The following TENT4B variants were observed in gnomAD, a reference collection of about 807,000 sequenced individuals.
The protein encoded by TENT4B is PAP associated domain containing 5.
TENT4B carries 10 observed loss-of-function variants against 75.0 expected under a neutral mutation model. The observed-to-expected ratio is 0.13, with a 90% CI of 0.08 to 0.23. The LOEUF (loss-of-function observed/expected upper bound fraction) is 0.23, where lower values mean the gene tolerates loss of function less well. Among genes scored for constraint, TENT4B ranks in the 10% least tolerant of loss-of-function variants. The pLI is 1.00. For synonymous variants in TENT4B, 350 were observed against 357.7 expected (o/e 0.98, Z 0.24); for missense variants, 579 against 893.8 (o/e 0.65, Z 4.49).
chr16:50,217,773 T>TCTCTCTCTCTCTCTCTCTCG, intron 5 of TENT4B, 110 bp downstream of exon 5: 2 of 631,566 alleles, frequency 3.2e-6, no homozygotes, highest in Admixed American at 3.4e-5. Context: ...TCTCTCTCTC[T>TCTCTCTCTCTCTCTCTCTCG]CTTTTAAATA....
intron 1 of TENT4B, among the ~76,000 whole-genome samples, chr16:50,202,321 A>T (rs1256869188): frequency 1.7e-4 from 26 of 152,206 alleles, no homozygotes. Flanking sequence ...ATCTATTCTT[A>T]AACACCAGCC....
At chr16:50,177,282 C>G (rs763159042) in intron 1 of TENT4B, among the ~76,000 whole-genome samples, 1 of 151,726 alleles carries the variant, frequency 6.6e-6, no homozygotes, top group African/African-American at 2.4e-5. Context: ...GGATTACAGG[C>G]GTGAGTCACT....
At chr16:50,199,480 G>A (rs990133917) in intron 1 of TENT4B, among the ~76,000 whole-genome samples, 2 of 152,210 alleles carry the variant, frequency 1.3e-5, no homozygotes, top group Non-Finnish European at 2.9e-5. Flanking sequence ...TCAATAAAGG[G>A]TGCTGGACAC....
Position 50,216,078 on chromosome 16 carries a change from C to T in TENT4B, c.813C>T (p.Asp271=). 6.2e-7 allele frequency: 1 copy of T among 1,613,962 alleles called. No homozygotes were observed. Among genetic ancestry groups the T allele is most frequent in the Non-Finnish European group, 8.5e-7 (1 of 1,179,876 alleles). Residue 271 remains aspartate, a synonymous_variant, in exon 4 of 12, where the codon GAC becomes GAT. Transcript: ENST00000561678. The part of the protein sequence containing the change: ...FKTGLYLPTS[D]IDLVVFGKWE... ...TGTATATGTATTCTGTGTTCAGTGA[C>T]ATCGACCTAGTGGTGTTTGGGAAGT...
At chr16:50,225,340 T>A (rs1238513546) in intron 10 of TENT4B, 55 bp downstream of exon 10, 18 of 1,512,758 alleles carry the variant, frequency 1.2e-5, no homozygotes, top group Non-Finnish European at 1.4e-5. Flanking sequence ...GTTCTCTTGC[T>A]GGGGTTAACA....
rs537997734 is a variant in TENT4B, at chr16:50,191,686, G to A, written c.639-19637G>A. ...TGTAATCCCAGCACTTTGGGAGGCCGAGGCGGGCAGATCACCTGAGGTCGC... is the reference window on the plus strand; with the variant it reads ...TGTAATCCCAGCACTTTGGGAGGCCAAGGCGGGCAGATCACCTGAGGTCGC... On this transcript the variant is annotated intron_variant, in intron 1 of 11. Coordinates refer to ENST00000561678, the MANE Select transcript of TENT4B (RefSeq NM_001365324.3). Among the ~76,000 whole-genome samples, 21 of 152,310 alleles carry A rather than the reference G, an allele frequency of 1.4e-4. No homozygotes were observed. The South Asian group carries it at 3.7e-3, about 27-fold the overall frequency.
intron 1 of TENT4B, among the ~76,000 whole-genome samples, chr16:50,181,442 C>T (rs546017282): frequency 2.0e-5 from 3 of 149,520 alleles, no homozygotes; most frequent in Non-Finnish European, 4.4e-5. Context: ...TATAGGCACA[C>T]AACATCATAT....
chr16:50,164,374 A>G (rs1210075493), intron 1 of TENT4B, among the ~76,000 whole-genome samples: 1 of 151,238 alleles, frequency 6.6e-6, no homozygotes, highest in African/African-American at 2.4e-5. Flanking sequence ...CAGTGGCGCT[A>G]TCTTGGCTCA....
rs185855542 is a variant in TENT4B, at chr16:50,160,927, G to C, written c.638+6668G>C. 2.4e-3 allele frequency among the ~76,000 whole-genome samples: 371 copies of C among 152,326 alleles called. 10 individuals are homozygous for C. The highest frequency in any genetic ancestry group is 0.022 in the Admixed American group (340 of 15,284). ...AATCACTTACACACACATAGGTATAGAGTAATCTTGAAGGGGCTGTAGGCC... is the reference window on the plus strand; with the variant it reads ...AATCACTTACACACACATAGGTATACAGTAATCTTGAAGGGGCTGTAGGCC... On this transcript the variant is annotated intron_variant, in intron 1 of 11. Coordinates refer to ENST00000561678, the MANE Select transcript of TENT4B (RefSeq NM_001365324.3).
chr16:50,172,509 T>C (rs2038225325), intron 1 of TENT4B, among the ~76,000 whole-genome samples: 2 of 418 alleles, frequency 4.8e-3, no homozygotes, highest in South Asian at 0.083. Context: ...AATTTATTAC[T>C]TTTTTTTTTT....
intron 1 of TENT4B, among the ~76,000 whole-genome samples, chr16:50,185,201 G>GTAAGTAAA (rs2038502670): frequency 6.6e-6 from 1 of 152,208 alleles, no homozygotes; most frequent in Non-Finnish European, 1.5e-5. Context: ...GTTACTTGCA[G>GTAAGTAAA]TAAGTAAATT....
In TENT4B at chr16:50,181,308, C is replaced by G. The variant is rs907811530; in HGVS notation, c.638+27049C>G. ...CCTTTATCAGTCTGATTCAAGCCACCTGCAATCATGGATTTGAACTTTTTT... is the reference window on the plus strand; with the variant it reads ...CCTTTATCAGTCTGATTCAAGCCACGTGCAATCATGGATTTGAACTTTTTT... On this transcript the variant is annotated intron_variant, in intron 1 of 11. Coordinates refer to ENST00000561678, the MANE Select transcript of TENT4B (RefSeq NM_001365324.3). 2.0e-5 allele frequency among the ~76,000 whole-genome samples: 3 copies of G among 151,316 alleles called. No individual in the cohort carries two copies. The South Asian group carries it at 6.2e-4, about 31-fold the overall frequency.
At chr16:50,177,536 C>A (rs2038333937) in intron 1 of TENT4B, among the ~76,000 whole-genome samples, 2 of 151,946 alleles carry the variant, frequency 1.3e-5, no homozygotes, top group Admixed American at 1.3e-4. Context: ...CATAATATTT[C>A]TTTGTTTTGC....
At position 50,229,781 on chromosome 16, in the gene TENT4B, GT is replaced by G. The variant is rs986904322; in HGVS notation, c.*463del. The stretch of plus-strand genomic sequence containing the variant: ...CCAAAGGGGAAAGTGATCTGTGCAT[GT>G]TTTTTTTTTAAATATTTTTGCATAT... On this transcript the variant is annotated 3_prime_UTR_variant, in exon 12 of 12. Coordinates refer to ENST00000561678, the MANE Select transcript of TENT4B (RefSeq NM_001365324.3). 3.3e-4 allele frequency: 305 copies of G among 911,906 alleles called. No homozygotes were observed. Among genetic ancestry groups the G allele is most frequent in the Middle Eastern group, 5.7e-4 (1 of 1,760 alleles). The allele number at this position is 911,906 out of a possible 1,614,324, so 56.5% of individuals were successfully genotyped here.
Position 50,153,979 on chromosome 16 carries a change from G to T in TENT4B, c.358G>T (p.Ala120Ser), listed in dbSNP as rs1440074071. The T allele has an allele frequency of 3.9e-6, 6 of 1,534,094 alleles. No individual in the cohort carries two copies. Among genetic ancestry groups the T allele is most frequent in the East Asian group, 2.5e-5 (1 of 40,748 alleles). ...CAACAACAACCACCACCAGCCCGGG[G>T]CCTGGGCCCGCCGGGCGGGCTCCTC... Reference protein sequence around the residue: ...NNNNNHHQPGAWARRAGSSAS... With the variant: ...NNNNNHHQPGSWARRAGSSAS... The change falls in exon 1 of 12, where the codon GCC becomes TCC. Residue 120 changes from alanine (A) to serine (S), a missense_variant. This residue lies in a region of TENT4B where 253 missense variants were observed against 270.1 expected (regional missense o/e 0.94). Coordinates refer to ENST00000561678, the MANE Select transcript of TENT4B (RefSeq NM_001365324.3).
chr16:50,182,494 G>A (rs531580593), intron 1 of TENT4B, among the ~76,000 whole-genome samples: 4 of 152,094 alleles, frequency 2.6e-5, no homozygotes, highest in Admixed American at 6.5e-5. Context: ...TTGTGTCATT[G>A]TAAAAGATCC....
At chr16:50,184,807 C>A (rs543012653) in intron 1 of TENT4B, among the ~76,000 whole-genome samples, 18 of 152,164 alleles carry the variant, frequency 1.2e-4, no homozygotes, top group Admixed American at 7.9e-4. Flanking sequence ...TTACTGCAGC[C>A]TCCTCCGCCC....
intron 2 of TENT4B, among the ~76,000 whole-genome samples, chr16:50,213,607 A>G (rs1368989709): frequency 6.6e-6 from 1 of 152,214 alleles, no homozygotes; most frequent in African/African-American, 2.4e-5. Flanking sequence ...TCTCTGGATA[A>G]TGAGGGAACA....
At chr16:50,181,618 A>G (rs981775553) in intron 1 of TENT4B, among the ~76,000 whole-genome samples, 3 of 151,910 alleles carry the variant, frequency 2.0e-5, no homozygotes, top group African/African-American at 7.3e-5. Context: ...ACTTTATTTA[A>G]AAACCATAGT....
Sources: allele counts gnomAD v4.1 joint callset (sites outside exome capture counted in the v4.1 genomes callset), GRCh38; gene constraint gnomAD v4.1.1; regional missense constraint gnomAD v4.1.1; transcripts MANE v1.5; gene names NCBI Gene and HGNC (gene_info 2026-07-23, HGNC 2026-07-21).